Variants in HS3ST5 observed in about 807,000 individuals in gnomAD.
The protein encoded by HS3ST5 is heparan sulfate glucosamine 3-O-sulfotransferase 5.
HS3ST5 carries 10 observed loss-of-function variants against 25.4 expected under a neutral mutation model. That is an observed-to-expected ratio of 0.39 (90% confidence interval 0.24 to 0.67). HS3ST5 has a LOEUF of 0.67. Among genes scored for constraint, HS3ST5 ranks in the 30% least tolerant of loss-of-function variants. The probability of loss-of-function intolerance (pLI) is 0.44; values close to 1 mark genes in which losing one functional copy is unlikely to be tolerated. For synonymous variants in HS3ST5, 170 were observed against 162.4 expected (o/e 1.05, Z -0.36); for missense variants, 324 against 420.7 (o/e 0.77, Z 2.01).
intron 2 of HS3ST5, among the ~76,000 whole-genome samples, chr6:114,205,437 T>C (rs1282467167): frequency 6.6e-6 from 1 of 152,118 alleles, no homozygotes; most frequent in East Asian, 1.9e-4. Context: ...GAGCTTCCAT[T>C]CCCTCTCCAG....
chr6:114,324,319 G>C (rs986020919), intron 1 of HS3ST5, among the ~76,000 whole-genome samples: 2 of 152,250 alleles, frequency 1.3e-5, no homozygotes, highest in South Asian at 4.1e-4. Context: ...TCTCTAACTT[G>C]GCCTTAGAGG....
chr6:114,134,780 C>A (rs1370700935), intron 3 of HS3ST5, among the ~76,000 whole-genome samples: 1 of 152,208 alleles, frequency 6.6e-6, no homozygotes, highest in Non-Finnish European at 1.5e-5. Flanking sequence ...AGCCCCTACC[C>A]TGTATGCATT....
At chr6:114,286,060 T>C (rs1422750980) in intron 1 of HS3ST5, among the ~76,000 whole-genome samples, 2 of 151,748 alleles carry the variant, frequency 1.3e-5, no homozygotes, top group African/African-American at 2.4e-5. Flanking sequence ...TCTCTAGAGG[T>C]TGGATAACAA....
intron 1 of HS3ST5, among the ~76,000 whole-genome samples, chr6:114,274,300 A>T (rs2114711216): frequency 6.6e-6 from 1 of 152,158 alleles, no homozygotes; most frequent in African/African-American, 2.4e-5. Flanking sequence ...TTTTGAGAAG[A>T]GAGGCTGATG....
At chr6:114,141,998 T>A (rs1487610608) in intron 3 of HS3ST5, among the ~76,000 whole-genome samples, 4 of 152,140 alleles carry the variant, frequency 2.6e-5, no homozygotes, top group Non-Finnish European at 4.4e-5. Context: ...CCATCTCATT[T>A]TTTTTTCCTC....
chr6:114,233,589 G>A (rs1771712859), intron 1 of HS3ST5, among the ~76,000 whole-genome samples: 1 of 152,030 alleles, frequency 6.6e-6, no homozygotes, highest in Non-Finnish European at 1.5e-5. Context: ...TGAGTTCTGT[G>A]GACAAACACT....
chr6:114,306,450 G>T (rs1775302851), intron 1 of HS3ST5, among the ~76,000 whole-genome samples: 1 of 150,956 alleles, frequency 6.6e-6, no homozygotes, highest in Non-Finnish European at 1.5e-5. Context: ...ATATAATTTT[G>T]ACCTAGAATA....
intron 3 of HS3ST5, among the ~76,000 whole-genome samples, chr6:114,092,483 G>A (rs970945373): frequency 5.9e-5 from 9 of 151,790 alleles, no homozygotes; most frequent in Non-Finnish European, 1.3e-4. Flanking sequence ...GTGGCACAAT[G>A]TATGAGGCAG....
intron 3 of HS3ST5, among the ~76,000 whole-genome samples, chr6:114,152,012 ACT>A (rs1778471925): frequency 6.6e-6 from 1 of 151,776 alleles, no homozygotes; most frequent in Non-Finnish European, 1.5e-5. Flanking sequence ...TTCACTGCAA[ACT>A]CTGCCTCCCG....
At chr6:114,154,953 T>A (rs933442694) in intron 3 of HS3ST5, among the ~76,000 whole-genome samples, 1 of 152,178 alleles carries the variant, frequency 6.6e-6, no homozygotes, top group Non-Finnish European at 1.5e-5. Context: ...TCTGGTTACA[T>A]ATGCATTTAC....
intron 3 of HS3ST5, among the ~76,000 whole-genome samples, chr6:114,118,455 A>G (rs1440210079): frequency 6.6e-6 from 1 of 152,190 alleles, no homozygotes; most frequent in African/African-American, 2.4e-5. Flanking sequence ...TAAGGATGGG[A>G]GTTAACTGCA....
At chr6:114,165,397 T>C (rs1470669370) in intron 3 of HS3ST5, among the ~76,000 whole-genome samples, 1 of 152,136 alleles carries the variant, frequency 6.6e-6, no homozygotes, top group African/African-American at 2.4e-5. Flanking sequence ...TTTCTACATC[T>C]TTGGTCTTTG....
rs1289085279 is a variant in HS3ST5 at position 114,167,687 on chromosome 6, A to G, written c.-33+664T>C. On this transcript the variant is annotated intron_variant, in intron 3 of 4. Transcript: ENST00000312719. ...TTCCCCTCTTCTTGGGTTCTGGTAT[A>G]CAAAAACACAACAGATCCTGTCTTT... is the stretch of plus-strand genomic sequence containing the variant. 3 of 152,326 alleles carry G rather than the reference A, an allele frequency of 2.0e-5. No homozygotes were observed. The East Asian group carries it at 5.8e-4, about 29-fold the overall frequency. The allele number at this position is 152,326 out of a possible 1,614,324, so 9.4% of individuals were successfully genotyped here.
chr6:114,103,161 T>C (rs888147566), intron 3 of HS3ST5, among the ~76,000 whole-genome samples: 5 of 152,192 alleles, frequency 3.3e-5, no homozygotes, highest in East Asian at 1.9e-4. Flanking sequence ...GCAGTGTTTA[T>C]TGAGGCATGA....
chr6:114,327,410 T>C (rs1776215601), intron 1 of HS3ST5, among the ~76,000 whole-genome samples: 1 of 152,170 alleles, frequency 6.6e-6, no homozygotes, highest in African/African-American at 2.4e-5. Context: ...AGTTTGATGA[T>C]GCAAATTAGT....
intron 3 of HS3ST5, among the ~76,000 whole-genome samples, 174 bp from the exon 4 acceptor site, chr6:114,063,051 C>T (rs1773227655): frequency 6.6e-6 from 1 of 152,188 alleles, no homozygotes; most frequent in African/African-American, 2.4e-5. Flanking sequence ...CCTTTCTTTT[C>T]CTGGACCATG....
In HS3ST5 at chr6:114,062,665, A is replaced by G; in HGVS notation, c.107+74T>C. On this transcript the variant is annotated intron_variant, in intron 4 of 4. Transcript: ENST00000312719. ...AGGAGAAAAACAAGTGGATAGACTT[A>G]AAATTATGTCCTAAGGAAGTTTAAA... The G allele has an allele frequency of 2.2e-6, 2 of 928,770 alleles. 1 individual carries two copies. 57.5% of individuals were successfully genotyped at this position (928,770 alleles called of 1,614,324 possible). A position where few individuals can be genotyped will look rare whatever the true frequency, so the allele number is the denominator to read the frequency against.
chr6:114,156,816 T>C (rs1778719903), intron 3 of HS3ST5, among the ~76,000 whole-genome samples: 1 of 152,192 alleles, frequency 6.6e-6, no homozygotes, highest in Non-Finnish European at 1.5e-5. Context: ...CTCGGTGTTC[T>C]TTGAGGTTTC....
chr6:114,119,670 A>G (rs1776688437), intron 3 of HS3ST5, among the ~76,000 whole-genome samples: 1 of 152,172 alleles, frequency 6.6e-6, no homozygotes, highest in African/African-American at 2.4e-5. Flanking sequence ...GCAGGATGGG[A>G]AGATTTAGCA....
Sources: gnomAD v4.1 joint callset for allele counts (sites outside exome capture counted in the v4.1 genomes callset) on GRCh38, gnomAD v4.1.1 for gene constraint, MANE v1.5 for transcripts, NCBI Gene and HGNC (gene_info 2026-07-23, HGNC 2026-07-21) for gene names.